TTLL5: variants seen among roughly 807,000 people sequenced by gnomAD.
TTLL5 encodes the protein tubulin tyrosine ligase like 5, also known as tubulin polyglutamylase TTLL5.
Under a neutral mutation model 168.4 loss-of-function variants are expected in TTLL5, and 132 were observed. That is an observed-to-expected ratio of 0.78 (90% CI 0.68 to 0.91). The LOEUF is 0.91. Among genes scored for constraint, TTLL5 ranks in the 40% least tolerant of loss-of-function variants. The pLI, the probability that TTLL5 is intolerant of heterozygous loss-of-function variation, is 0.00. For missense variants in TTLL5, 1,545 were observed against 1,581.5 expected, an observed-to-expected ratio of 0.98 and a Z score of 0.39; for synonymous variants, 546 against 558.6, an observed-to-expected ratio of 0.98 and a Z score of 0.32.
intron 30 of TTLL5, among the ~76,000 whole-genome samples, chr14:75,899,642 G>A (rs867759068): frequency 7.9e-5 from 12 of 152,284 alleles, no homozygotes; most frequent in Middle Eastern, 3.4e-3. Context: ...TGAATCTGTG[G>A]TGGTCTCCAA....
rs571034628 is a variant in TTLL5, at chr14:75,678,820, C to T, written c.182-2725C>T. Among the ~76,000 whole-genome samples, 3 of 152,224 alleles carry T rather than the reference C, an allele frequency of 2.0e-5. No homozygotes were observed. In the East Asian group the frequency reaches 5.8e-4, roughly 29 times the overall value. ...TTGATCATTTGGTTAAGACTGTGTT[C>T]ACCAGATGGCTTCATTTTAAAGGTG... is the stretch of plus-strand genomic sequence containing the variant. On this transcript the variant is annotated intron_variant, in intron 3 of 31. Transcript: ENST00000298832.
chr14:75,744,996 T>C (rs1889513281), intron 15 of TTLL5, 99 bp from the exon 16 acceptor site: 1 of 980,118 alleles, frequency 1.0e-6, no homozygotes, highest in Non-Finnish European at 1.5e-6. Flanking sequence ...CTTATAAATC[T>C]TTAGAAAAAT....
intron 26 of TTLL5, among the ~76,000 whole-genome samples, chr14:75,790,675 A>G (rs1376991140): frequency 1.3e-5 from 2 of 151,654 alleles, no homozygotes; most frequent in Non-Finnish European, 2.9e-5. Flanking sequence ...TTGTTGCCTA[A>G]TCTGGTCTCG....
At chr14:75,750,107 C>G (rs1203353339) in intron 17 of TTLL5, among the ~76,000 whole-genome samples, 1 of 152,028 alleles carries the variant, frequency 6.6e-6, no homozygotes, top group Non-Finnish European at 1.5e-5. Context: ...CACAGTGAGA[C>G]TTGGGTCAGA....
intron 20 of TTLL5, among the ~76,000 whole-genome samples, chr14:75,769,343 C>T (rs1272518450): frequency 6.6e-6 from 1 of 152,174 alleles, no homozygotes; most frequent in African/African-American, 2.4e-5. Context: ...GTCATTGTTG[C>T]ATATCTTATA....
intron 28 of TTLL5, among the ~76,000 whole-genome samples, chr14:75,829,162 T>C (rs181389601): frequency 1.3e-5 from 2 of 152,136 alleles, no homozygotes; most frequent in African/African-American, 4.8e-5. Context: ...GAAAACTTCA[T>C]GGAAAAGAAA....
In TTLL5 at chr14:75,791,556, T is replaced by A. The variant is rs867913257; in HGVS notation, c.2987-1360T>A. Among the ~76,000 whole-genome samples the A allele has an allele frequency of 7.2e-5, 11 of 152,204 alleles. No homozygotes were observed. In the East Asian group the frequency reaches 9.7e-4, roughly 13 times the overall value. On this transcript the variant is annotated intron_variant, in intron 26 of 31. Transcript: ENST00000298832. ...ATATATTTGATAAAACTTTTTTTTTTAAAAGAATGTTTGATAAGGGGAGAT... is the reference window on the plus strand; with the variant it reads ...ATATATTTGATAAAACTTTTTTTTTAAAAAGAATGTTTGATAAGGGGAGAT...
rs1370307602 is a variant in TTLL5, at chr14:75,796,533, C to T, written c.3171+3433C>T. 3.3e-5 allele frequency among the ~76,000 whole-genome samples: 5 copies of T among 152,224 alleles called. No homozygotes were observed. In the East Asian group the frequency reaches 9.7e-4, roughly 29 times the overall value. The stretch of plus-strand genomic sequence containing the variant: ...TCTAGAAGGGTTTTTCTGATGTTAT[C>T]TTCTAGAATTTTTATGGTTTCAGGT... On this transcript the variant is annotated intron_variant, in intron 27 of 31. Coordinates refer to ENST00000298832, the MANE Select transcript of TTLL5 (RefSeq NM_015072.5).
intron 29 of TTLL5, among the ~76,000 whole-genome samples, chr14:75,880,234 C>T (rs575234102): frequency 6.6e-6 from 1 of 152,138 alleles, no homozygotes; most frequent in African/African-American, 2.4e-5. Flanking sequence ...GCTCACTAAA[C>T]TCACTGTTCT....
At chr14:75,816,272 A>G (rs1355303810) in intron 27 of TTLL5, among the ~76,000 whole-genome samples, 1 of 152,184 alleles carries the variant, frequency 6.6e-6, no homozygotes, top group Non-Finnish European at 1.5e-5. Context: ...TAAAAATACA[A>G]AAATTAGCCT....
At chr14:75,825,544 G>A (rs1331909454) in intron 28 of TTLL5, among the ~76,000 whole-genome samples, 1 of 152,062 alleles carries the variant, frequency 6.6e-6, no homozygotes, top group Non-Finnish European at 1.5e-5. Flanking sequence ...TCTATCCTGG[G>A]GGTCGAGCTT....
rs775184984 is a variant in TTLL5 at position 75,681,575 on chromosome 14, G to A, written c.212G>A (p.Arg71Gln). Residue 71 changes from arginine to glutamine, a missense_variant, in exon 4 of 32, where the codon CGA becomes CAA. Coordinates refer to ENST00000298832, the MANE Select transcript of TTLL5 (RefSeq NM_015072.5). ...ERYHLSYKIVRTDSRLVRSIL... is the reference protein window; with the variant it reads ...ERYHLSYKIVQTDSRLVRSIL... ...TATCATTTGTCTTATAAGATTGTACGAACGGACAGTCGCCTAGTACGCAGC... is the reference window on the plus strand; with the variant it reads ...TATCATTTGTCTTATAAGATTGTACAAACGGACAGTCGCCTAGTACGCAGC... 26 of 1,613,190 alleles carry A rather than the reference G, an allele frequency of 1.6e-5. No homozygotes were observed. Among genetic ancestry groups the A allele is most frequent in the African/African-American group, 2.7e-5 (2 of 74,858 alleles).
intron 20 of TTLL5, 124 bp downstream of exon 20, chr14:75,766,492 A>T (rs1890975370): frequency 1.0e-6 from 1 of 966,778 alleles, no homozygotes; most frequent in Non-Finnish European, 1.5e-6. Context: ...CCTATGAAAT[A>T]ATGACTGTGA....
chr14:75,921,529 T>G (rs971974088), intron 31 of TTLL5, among the ~76,000 whole-genome samples: 5 of 152,138 alleles, frequency 3.3e-5, no homozygotes, highest in Non-Finnish European at 7.4e-5. Context: ...AAGATCAGAT[T>G]GTTGTAGATG....
intron 29 of TTLL5, among the ~76,000 whole-genome samples, chr14:75,869,917 T>C (rs2030883527): frequency 6.8e-6 from 1 of 146,496 alleles, no homozygotes; most frequent in Admixed American, 7.2e-5. Context: ...CCTCCCGGGT[T>C]CAAGCGATTC....
At chr14:75,732,474 AC>A (rs1888605969) in intron 13 of TTLL5, 55 bp downstream of exon 13, 4 of 1,397,236 alleles carry the variant, frequency 2.9e-6, no homozygotes, top group African/African-American at 1.5e-5. Flanking sequence ...TACTTAAAGC[AC>A]TTTTTTTTTT....
chr14:75,794,478 C>T (rs1480372878), intron 27 of TTLL5, among the ~76,000 whole-genome samples: 2 of 151,470 alleles, frequency 1.3e-5, no homozygotes, highest in Non-Finnish European at 2.9e-5. Context: ...CCAAAATAGC[C>T]AATATTAGTG....
At chr14:75,811,181 G>A (rs144070541) in intron 27 of TTLL5, among the ~76,000 whole-genome samples, 10 of 121,186 alleles carry the variant, frequency 8.3e-5, no homozygotes, top group South Asian at 2.5e-4. Context: ...GTGTGTGTGT[G>A]TGTGTGTATG....
At chr14:75,802,386 G>T (rs779895760) in intron 27 of TTLL5, among the ~76,000 whole-genome samples, 6 of 151,922 alleles carry the variant, frequency 3.9e-5, no homozygotes, top group Non-Finnish European at 8.8e-5. Context: ...GGCTTTCTGG[G>T]CAAGGAGTTA....
Sources: allele counts gnomAD v4.1 joint callset (sites outside exome capture counted in the v4.1 genomes callset), GRCh38; gene constraint gnomAD v4.1.1; transcripts MANE v1.5; gene names NCBI Gene and HGNC (gene_info 2026-07-23, HGNC 2026-07-21).